Variants in ANKRD6 observed in about 807,000 individuals in gnomAD.
The protein encoded by ANKRD6 is ankyrin repeat domain 6, also known as ankyrin repeat domain-containing protein 6.
ANKRD6 carries 56 observed loss-of-function variants against 82.3 expected under a neutral mutation model. The observed-to-expected ratio is 0.68, with a 90% confidence interval of 0.55 to 0.85. The LOEUF is 0.85. ANKRD6 is among the 40% of genes least tolerant of loss of function. The probability of loss-of-function intolerance (pLI) is 0.00; values close to 1 mark genes in which losing one functional copy is unlikely to be tolerated. For missense variants in ANKRD6, 852 were observed against 907.6 expected, an observed-to-expected ratio of 0.94 and a Z score of 0.79; for synonymous variants, 347 against 352.1, an observed-to-expected ratio of 0.99 and a Z score of 0.16.
At chr6:89,582,372 G>A (rs1234423781) in intron 2 of ANKRD6, among the ~76,000 whole-genome samples, 1 of 152,060 alleles carries the variant, frequency 6.6e-6, no homozygotes, top group Admixed American at 6.5e-5. Context: ...TTTACTTTTT[G>A]TGGAGACGGG....
intron 1 of ANKRD6, chr6:89,509,040 C>G (rs1472177221): frequency 6.6e-6 from 1 of 152,316 alleles, no homozygotes; most frequent in Non-Finnish European, 1.5e-5. Flanking sequence ...GAGGAGGCAA[C>G]TAACCAGGGC....
At chr6:89,578,177 A>G (rs569417018) in intron 2 of ANKRD6, among the ~76,000 whole-genome samples, 23 of 152,196 alleles carry the variant, frequency 1.5e-4, no homozygotes, top group African/African-American at 5.5e-4. Flanking sequence ...TTCTCTCCAC[A>G]AATGTATGCT....
At chr6:89,458,398 T>C (rs897605228) in intron 1 of ANKRD6, among the ~76,000 whole-genome samples, 3 of 152,214 alleles carry the variant, frequency 2.0e-5, no homozygotes, top group African/African-American at 4.8e-5. Flanking sequence ...CAGTAGCCTG[T>C]CTGCAAGTTG....
intron 2 of ANKRD6, among the ~76,000 whole-genome samples, chr6:89,574,456 T>C (rs149277632): frequency 6.6e-6 from 1 of 152,344 alleles, no homozygotes; most frequent in African/African-American, 2.4e-5. Context: ...CTAAATGTGA[T>C]AGCACATGTT....
rs368515663 is a variant in ANKRD6 at position 89,534,297 on chromosome 6, A to G, written c.-143-32537A>G. On this transcript the variant is annotated intron_variant, in intron 1 of 15. Transcript: ENST00000339746. ...GTTGTGGGAAGTATAAAGCTTTTCA[A>G]TTAATTTATGATCCTATTAGGTGTA... is the stretch of plus-strand genomic sequence containing the variant. 7.2e-5 allele frequency among the ~76,000 whole-genome samples: 11 copies of G among 152,314 alleles called. No individual in the cohort carries two copies. In the East Asian group the frequency reaches 1.9e-3, roughly 27 times the overall value.
At chr6:89,569,591 G>C (rs1789320136) in intron 2 of ANKRD6, among the ~76,000 whole-genome samples, 1 of 152,184 alleles carries the variant, frequency 6.6e-6, no homozygotes, top group African/African-American at 2.4e-5. Flanking sequence ...TATGTTTTCA[G>C]TTCTCTAGAG....
chr6:89,592,292 G>C (rs566288625), intron 2 of ANKRD6, among the ~76,000 whole-genome samples: 1 of 152,208 alleles, frequency 6.6e-6, no homozygotes, highest in Admixed American at 6.5e-5. Flanking sequence ...TGTCCTCTGG[G>C]GTGGGGGCTA....
intron 1 of ANKRD6, among the ~76,000 whole-genome samples, chr6:89,496,598 C>T (rs1450433638): frequency 6.6e-6 from 1 of 152,156 alleles, no homozygotes; most frequent in African/African-American, 2.4e-5. Context: ...TCTCGGGTCA[C>T]TGCAACCTCC....
intron 1 of ANKRD6, among the ~76,000 whole-genome samples, chr6:89,460,824 A>G (rs1298576505): frequency 1.3e-5 from 2 of 151,786 alleles, no homozygotes; most frequent in Admixed American, 1.3e-4. Flanking sequence ...GTGGAGAGGG[A>G]GAGAAAGAAA....
At chr6:89,519,517 G>C (rs745597845) in intron 1 of ANKRD6, among the ~76,000 whole-genome samples, 7 of 152,222 alleles carry the variant, frequency 4.6e-5, no homozygotes, top group Non-Finnish European at 8.8e-5. Context: ...GAACACTGGA[G>C]AAGACTAGGT....
At chr6:89,541,749 C>A (rs1362656173) in intron 1 of ANKRD6, among the ~76,000 whole-genome samples, 1 of 151,576 alleles carries the variant, frequency 6.6e-6, no homozygotes, top group East Asian at 1.9e-4. Context: ...TTGTATCCTG[C>A]AACATTACTG....
chr6:89,465,438 AT>A (rs1774737219), intron 1 of ANKRD6, among the ~76,000 whole-genome samples: 1 of 151,650 alleles, frequency 6.6e-6, no homozygotes, highest in Admixed American at 6.6e-5. Context: ...TTTTTTTTTA[AT>A]GTGAATATTT....
intron 1 of ANKRD6, among the ~76,000 whole-genome samples, chr6:89,450,040 TTA>T (rs1185875285): frequency 1.3e-5 from 2 of 152,096 alleles, no homozygotes; most frequent in African/African-American, 4.8e-5. Flanking sequence ...AGAAATCTCA[TTA>T]AAGAAAGAAT....
rs915862274 is a variant in ANKRD6 at position 89,433,560 on chromosome 6, C to T, written c.-144+185C>T. ...CTGGCCTGCGGCCTCCGAAAACGCCCGGCGCGAGGGGGTCCCCCCGGGGCG... is the reference window on the plus strand; with the variant it reads ...CTGGCCTGCGGCCTCCGAAAACGCCTGGCGCGAGGGGGTCCCCCCGGGGCG... On this transcript the variant is annotated intron_variant, in intron 1 of 15. Transcript: ENST00000339746. The surrounding 1 kb of genome is among the most constrained non-coding windows in gnomAD (Gnocchi z 4.3). Among the ~76,000 whole-genome samples the T allele has an allele frequency of 5.3e-5, 8 of 152,192 alleles. No individual in the cohort carries two copies. The highest frequency in any genetic ancestry group is 3.9e-4 in the East Asian group (2 of 5,178).
intron 2 of ANKRD6, among the ~76,000 whole-genome samples, chr6:89,595,706 C>T (rs921721363): frequency 2.6e-5 from 4 of 152,144 alleles, no homozygotes; most frequent in Admixed American, 2.0e-4. Flanking sequence ...TTGAACATAT[C>T]GTGTTCATTG....
intron 1 of ANKRD6, among the ~76,000 whole-genome samples, chr6:89,443,768 C>A (rs1771719316): frequency 6.6e-6 from 1 of 152,218 alleles, no homozygotes; most frequent in Non-Finnish European, 1.5e-5. Flanking sequence ...AGATAAAGTT[C>A]TTGTCTCAAC....
At chr6:89,521,457 C>T (rs1293791963) in intron 1 of ANKRD6, among the ~76,000 whole-genome samples, 1 of 152,192 alleles carries the variant, frequency 6.6e-6, no homozygotes, top group Non-Finnish European at 1.5e-5. Flanking sequence ...AAGGGGCCAG[C>T]TGGCCCCCAA....
rs1404903010 is a variant in ANKRD6, at chr6:89,617,986, C to T, written c.747C>T (p.Tyr249=). ...AGQTPLETAR[Y]HNNPEVALLL... is the part of the protein sequence containing the mutation. ...AGACTCCGCTGGAGACTGCCCGCTA[C>T]CACAATAACCCGGAAGTTGCTCTTC... The change falls in exon 9 of 16, where the codon TAC becomes TAT. Residue 249 remains tyrosine, a synonymous_variant. Transcript: ENST00000339746. 2 of 1,613,940 alleles carry T rather than the reference C, an allele frequency of 1.2e-6. No individual in the cohort carries two copies. Among genetic ancestry groups the T allele is most frequent in the East Asian group, 2.2e-5 (1 of 44,900 alleles).
intron 1 of ANKRD6, among the ~76,000 whole-genome samples, chr6:89,481,390 G>A (rs62415444): frequency 0.017 from 2,633 of 152,188 alleles, 37 homozygotes; most frequent in Non-Finnish European, 0.028. Context: ...GCTTATTGGA[G>A]AATTGTAGAT....
Sources: allele counts gnomAD v4.1 joint callset (sites outside exome capture counted in the v4.1 genomes callset), GRCh38; gene constraint gnomAD v4.1.1; non-coding constraint Gnocchi (gnomAD v3.1); transcripts MANE v1.5; gene names NCBI Gene and HGNC (gene_info 2026-07-23, HGNC 2026-07-21).